RHPN2: variants seen among roughly 807,000 people sequenced by gnomAD.
The protein encoded by RHPN2 is rhophilin Rho GTPase binding protein 2.
RHPN2 carries 40 observed loss-of-function variants against 79.0 expected under a neutral mutation model. That is an observed-to-expected ratio of 0.51 (90% confidence interval 0.39 to 0.66). The LOEUF (loss-of-function observed/expected upper bound fraction) is 0.66. Ranked by LOEUF, RHPN2 falls within the 30% of genes least tolerant of loss-of-function variation. RHPN2 has a pLI of 0.00. For missense variants in RHPN2, 686 were observed against 883.5 expected (o/e 0.78, Z 2.83); for synonymous variants, 285 against 363.5 (o/e 0.78, Z 2.46).
At chr19:33,009,693 G>A (rs759207873) in intron 6 of RHPN2, among the ~76,000 whole-genome samples, 11 of 152,118 alleles carry the variant, frequency 7.2e-5, no homozygotes, top group Non-Finnish European at 1.3e-4. Flanking sequence ...GGGCTCAAGC[G>A]ATCCACCCAC....
intron 1 of RHPN2, among the ~76,000 whole-genome samples, chr19:33,056,953 CAAA>C (rs754855820): frequency 8.7e-6 from 1 of 114,432 alleles, no homozygotes; most frequent in Non-Finnish European, 2.0e-5. Flanking sequence ...AATAAAAATA[CAAA>C]AAAAAAAAAA....
At chr19:33,046,585 CTA>C (rs1182003055) in intron 1 of RHPN2, among the ~76,000 whole-genome samples, 2 of 152,030 alleles carry the variant, frequency 1.3e-5, no homozygotes, top group Non-Finnish European at 2.9e-5. Flanking sequence ...ATGATTTATT[CTA>C]TGTTTAATGA....
At chr19:33,009,029 T>TAGC (rs71176182) in intron 6 of RHPN2, among the ~76,000 whole-genome samples, 120,929 of 151,672 alleles carry the variant, frequency 0.8, 49,008 homozygotes, top group African/African-American at 0.95. Context: ...ACCTACTGTA[T>TAGC]ACGCTGTGTG....
At chr19:33,041,661 T>C (rs1599831183) in intron 2 of RHPN2, among the ~76,000 whole-genome samples, 1 of 152,132 alleles carries the variant, frequency 6.6e-6, no homozygotes, top group South Asian at 2.1e-4. Context: ...AAGTCCAAGT[T>C]CCCTGCTCAC....
intron 10 of RHPN2, among the ~76,000 whole-genome samples, chr19:32,998,255 C>T (rs1406377470): frequency 5.9e-5 from 9 of 152,282 alleles, no homozygotes; most frequent in African/African-American, 2.2e-4. Flanking sequence ...ACACATGTGG[C>T]TTCCACCAGG....
intron 1 of RHPN2, among the ~76,000 whole-genome samples, chr19:33,063,742 T>TGACTGTTATCTTC (rs1972300991): frequency 8.3e-5 from 6 of 72,660 alleles, no homozygotes; most frequent in African/African-American, 8.2e-4. Context: ...CTGAGCTCCC[T>TGACTGTTATCTTC]GACTGTTATC....
intron 4 of RHPN2, among the ~76,000 whole-genome samples, chr19:33,018,154 A>C (rs1438282322): frequency 6.6e-6 from 1 of 151,364 alleles, no homozygotes. Flanking sequence ...CTTCATCTCA[A>C]AAATATATAT....
chr19:33,035,763 GGAGTGTCCA>G (rs1972050807), intron 2 of RHPN2, among the ~76,000 whole-genome samples: 1 of 152,122 alleles, frequency 6.6e-6, no homozygotes, highest in Non-Finnish European at 1.5e-5. Context: ...CCCAGACCTG[GGAGTGTCCA>G]GATATCCCGA....
At chr19:33,032,296 C>T (rs1230862012) in intron 2 of RHPN2, among the ~76,000 whole-genome samples, 1 of 152,154 alleles carries the variant, frequency 6.6e-6, no homozygotes, top group African/African-American at 2.4e-5. Flanking sequence ...GGATTATAGG[C>T]GTGAGCCACC....
chr19:33,003,857 GA>G (rs1971770281), intron 7 of RHPN2, among the ~76,000 whole-genome samples: 1 of 152,118 alleles, frequency 6.6e-6, no homozygotes, highest in South Asian at 2.1e-4. Flanking sequence ...ACTGAGTACA[GA>G]GCTTTGCTTT....
At chr19:32,999,435 C>T (rs1365763458) in intron 10 of RHPN2, 151 bp downstream of exon 10, 24 of 859,004 alleles carry the variant, frequency 2.8e-5, no homozygotes, top group African/African-American at 1.9e-4. Flanking sequence ...CTCAGGACCG[C>T]GCCTCATGAC....
At chr19:33,042,862 C>T (rs368598471) in intron 2 of RHPN2, among the ~76,000 whole-genome samples, 2 of 152,180 alleles carry the variant, frequency 1.3e-5, no homozygotes, top group Non-Finnish European at 1.5e-5. Flanking sequence ...GGGTGGATCA[C>T]GAGGTCAGGA....
intron 11 of RHPN2, 68 bp downstream of exon 11, chr19:32,995,958 A>G: frequency 2.0e-6 from 3 of 1,515,054 alleles, no homozygotes; most frequent in East Asian, 4.5e-5. Context: ...CTCAACCCCC[A>G]CAGGCCAGGC....
intron 1 of RHPN2, among the ~76,000 whole-genome samples, chr19:33,063,799 GCACCCGC>G (rs1226506496): frequency 1.6e-5 from 2 of 126,542 alleles, no homozygotes; most frequent in Admixed American, 7.5e-5. Context: ...TGCGAGGCCG[GCACCCGC>G]CACCCGCCGC....
At chr19:33,034,075 C>T (rs1972034678) in intron 2 of RHPN2, among the ~76,000 whole-genome samples, 1 of 150,848 alleles carries the variant, frequency 6.6e-6, no homozygotes, top group South Asian at 2.1e-4. Context: ...CCAGGCTGGT[C>T]TCAAACTGCT....
intron 1 of RHPN2, among the ~76,000 whole-genome samples, chr19:33,055,978 CA>C (rs1323614337): frequency 6.6e-6 from 1 of 152,076 alleles, no homozygotes; most frequent in Non-Finnish European, 1.5e-5. Context: ...TAAGAAGTGA[CA>C]ATGCCTCACT....
At chr19:33,000,461 T>C (rs1157565294) in intron 9 of RHPN2, among the ~76,000 whole-genome samples, 2 of 151,068 alleles carry the variant, frequency 1.3e-5, no homozygotes, top group Admixed American at 6.6e-5. Context: ...TCCACACCGA[T>C]TTCGGCCTCC....
At chr19:33,052,917 A>G (rs901537985) in intron 1 of RHPN2, among the ~76,000 whole-genome samples, 1 of 152,198 alleles carries the variant, frequency 6.6e-6, no homozygotes, top group Non-Finnish European at 1.5e-5. Context: ...CTCTTCCAGA[A>G]ATCTCTATAA....
At chr19:33,012,484 C>T (rs556179948) in intron 5 of RHPN2, among the ~76,000 whole-genome samples, 163 bp downstream of exon 5, 9 of 152,094 alleles carry the variant, frequency 5.9e-5, no homozygotes, top group Admixed American at 4.6e-4. Flanking sequence ...TGGCCTCCTT[C>T]TACAGTTTTC....
Sources: gnomAD v4.1 joint callset for allele counts (sites outside exome capture counted in the v4.1 genomes callset) on GRCh38, gnomAD v4.1.1 for gene constraint, MANE v1.5 for transcripts, NCBI Gene and HGNC (gene_info 2026-07-23, HGNC 2026-07-21) for gene names.